Variants in CLASP1 observed in about 807,000 individuals in gnomAD.
CLASP1 encodes the protein cytoplasmic linker associated protein 1, also known as CLIP-associating protein 1.
Under a neutral mutation model 192.3 loss-of-function variants are expected in CLASP1, and 38 were observed. That is an observed-to-expected ratio of 0.20 (90% confidence interval 0.15 to 0.26). The LOEUF (loss-of-function observed/expected upper bound fraction) is 0.26. Ranked by LOEUF, CLASP1 falls within the 10% of genes least tolerant of loss-of-function variation. CLASP1 has a pLI of 1.00. For synonymous variants in CLASP1, 691 were observed against 712.8 expected (o/e 0.97, Z 0.49); for missense variants, 1,433 against 1,932.5 (o/e 0.74, Z 4.85).
chr2:121,531,308 A>G (rs1575732764), intron 2 of CLASP1, among the ~76,000 whole-genome samples: 1 of 152,196 alleles, frequency 6.6e-6, no homozygotes. Flanking sequence ...CATAAAATGT[A>G]ATCCAGGTCG....
chr2:121,378,750 G>A (rs2070882458), intron 33 of CLASP1, among the ~76,000 whole-genome samples: 1 of 152,166 alleles, frequency 6.6e-6, no homozygotes, highest in African/African-American at 2.4e-5. Context: ...ACTGAGGATT[G>A]CTAGGGACAC....
At position 121,415,274 on chromosome 2, in the gene CLASP1, T is replaced by C. The variant is rs116438395; in HGVS notation, c.2320+3348A>G. Reference sequence around the variant, plus strand: ...TACTAAATCTATCTGTGTCTCAGTATCTTGTTTGTAAAATGGTGCTAATAA... The same window carrying C: ...TACTAAATCTATCTGTGTCTCAGTACCTTGTTTGTAAAATGGTGCTAATAA... On this transcript the variant is annotated intron_variant, in intron 23 of 39. Coordinates refer to ENST00000263710, the Ensembl canonical transcript of CLASP1. Among the ~76,000 whole-genome samples, 323 of 152,316 alleles carry C rather than the reference T, an allele frequency of 2.1e-3. 1 individual carries two copies. Among genetic ancestry groups the C allele is most frequent in the African/African-American group, 7.4e-3 (307 of 41,572 alleles).
chr2:121,451,574 G>C (rs2085482555), intron 15 of CLASP1, among the ~76,000 whole-genome samples: 1 of 152,236 alleles, frequency 6.6e-6, no homozygotes, highest in Admixed American at 6.5e-5. Flanking sequence ...GCAGCTGTCA[G>C]AATGCACATG....
At chr2:121,495,101 T>C (rs2093473965) in intron 8 of CLASP1, among the ~76,000 whole-genome samples, 1 of 151,062 alleles carries the variant, frequency 6.6e-6, no homozygotes, top group Non-Finnish European at 1.5e-5. Flanking sequence ...GGCGGGCGGA[T>C]CACAAGGTCA....
Position 121,447,513 on chromosome 2 carries a change from G to GT in CLASP1, c.1742-7dup. Reference sequence around the variant, plus strand: ...TTTGGTACTAACTGTAGAAGCTTTAGTGATAAAGGAGGAAATATGAATAAG... The same window carrying GT: ...TTTGGTACTAACTGTAGAAGCTTTAGTTGATAAAGGAGGAAATATGAATAAG... On this transcript the variant is annotated splice_region_variant and splice_polypyrimidine_tract_variant and intron_variant, in intron 18 of 39. Transcript: ENST00000263710. 6.5e-7 allele frequency: 1 copy of GT among 1,548,806 alleles called. No individual in the cohort carries two copies. Among genetic ancestry groups the GT allele is most frequent in the Non-Finnish European group, 8.7e-7 (1 of 1,144,856 alleles).
At chr2:121,590,526 A>C (rs1169610112) in intron 2 of CLASP1, among the ~76,000 whole-genome samples, 1 of 152,250 alleles carries the variant, frequency 6.6e-6, no homozygotes, top group African/African-American at 2.4e-5. Context: ...GATCGGTCTT[A>C]TCTAAATATT....
At chr2:121,580,831 A>G (rs1167889886) in intron 2 of CLASP1, among the ~76,000 whole-genome samples, 1 of 152,218 alleles carries the variant, frequency 6.6e-6, no homozygotes, top group Non-Finnish European at 1.5e-5. Context: ...AAGGACTTGG[A>G]TATTTTCAAG....
chr2:121,538,570 G>A (rs994765987), intron 2 of CLASP1, among the ~76,000 whole-genome samples: 1 of 151,842 alleles, frequency 6.6e-6, no homozygotes, highest in Non-Finnish European at 1.5e-5. Flanking sequence ...GGCAGATCAC[G>A]AGGTCAGGAG....
At chr2:121,429,010 T>C (rs72967389) in intron 20 of CLASP1, among the ~76,000 whole-genome samples, 6,048 of 152,242 alleles carry the variant, frequency 0.04, 161 homozygotes, top group East Asian at 0.14. Flanking sequence ...CCCATGCTTG[T>C]AGTGTATCAC....
intron 8 of CLASP1, among the ~76,000 whole-genome samples, chr2:121,492,339 A>T (rs2093348147): frequency 7.4e-6 from 1 of 134,280 alleles, no homozygotes; most frequent in Non-Finnish European, 1.6e-5. Flanking sequence ...CAGTGAGCCG[A>T]GGTCGCACCA....
At chr2:121,492,171 C>T (rs1426070889) in intron 8 of CLASP1, among the ~76,000 whole-genome samples, 7 of 151,940 alleles carry the variant, frequency 4.6e-5, no homozygotes, top group African/African-American at 9.7e-5. Context: ...GGGTAGATCA[C>T]GAGGTCAGGA....
At chr2:121,426,297 A>C (rs2080365209) in intron 21 of CLASP1, among the ~76,000 whole-genome samples, 2 of 152,256 alleles carry the variant, frequency 1.3e-5, no homozygotes, top group African/African-American at 4.8e-5. Flanking sequence ...AAGGATATTT[A>C]ATATTTATGA....
chr2:121,450,930 T>C, exon 16 of CLASP1: 1 of 1,610,178 alleles, frequency 6.2e-7, no homozygotes, highest in Non-Finnish European at 8.5e-7. Context: ...CTTCTATTCT[T>C]GCTTCGGAAT....
intron 19 of CLASP1, among the ~76,000 whole-genome samples, chr2:121,431,365 ATAAAG>A (rs1437604020): frequency 6.6e-6 from 1 of 152,348 alleles, no homozygotes; most frequent in Non-Finnish European, 1.5e-5. Context: ...CTCACAGCAT[ATAAAG>A]TAATCACTCC....
At chr2:121,631,158 CAAAAAAAAAAA>C (rs869087192) in intron 1 of CLASP1, among the ~76,000 whole-genome samples, 9 of 65,158 alleles carry the variant, frequency 1.4e-4, no homozygotes, top group Non-Finnish European at 2.2e-4. Context: ...GACTCCAGCT[CAAAAAAAAAAA>C]AAAAAAAAAA....
rs137927683 is a variant in CLASP1 at position 121,636,679 on chromosome 2, T to C, written c.-286+12693A>G. The stretch of plus-strand genomic sequence containing the variant: ...AAACTCCCTCTCAAAAAAATAACAA[T>C]AATAATAATAAATTTTTTAAAAAAT... On this transcript the variant is annotated intron_variant, in intron 1 of 39. Coordinates refer to ENST00000263710, the Ensembl canonical transcript of CLASP1. Among the ~76,000 whole-genome samples, 967 of 151,870 alleles carry C rather than the reference T, an allele frequency of 6.4e-3. 11 individuals are homozygous for C. Among genetic ancestry groups the C allele is most frequent in the African/African-American group, 0.022 (923 of 41,436 alleles).
intron 20 of CLASP1, among the ~76,000 whole-genome samples, chr2:121,428,919 C>T (rs1311896659): frequency 6.6e-6 from 1 of 152,196 alleles, no homozygotes; most frequent in Non-Finnish European, 1.5e-5. Flanking sequence ...GACAACGAAA[C>T]AATGGCTCAC....
chr2:121,568,218 T>C (rs1292412719), intron 2 of CLASP1, among the ~76,000 whole-genome samples: 1 of 151,992 alleles, frequency 6.6e-6, no homozygotes, highest in Non-Finnish European at 1.5e-5. Context: ...CAGAATTGGT[T>C]CAGTATGATT....
chr2:121,569,185 T>C (rs1454291611), intron 2 of CLASP1, among the ~76,000 whole-genome samples: 2 of 152,192 alleles, frequency 1.3e-5, no homozygotes, highest in Non-Finnish European at 2.9e-5. Context: ...GTAGAAGGAA[T>C]TTCAAATAGT....
Sources: gnomAD v4.1 joint callset for allele counts (sites outside exome capture counted in the v4.1 genomes callset) on GRCh38, gnomAD v4.1.1 for gene constraint, MANE v1.5 for transcripts, NCBI Gene and HGNC (gene_info 2026-07-23, HGNC 2026-07-21) for gene names.